The following IPCEF1 variants were observed in gnomAD, a reference collection of about 807,000 sequenced individuals.
The protein encoded by IPCEF1 is interactor protein for cytohesin exchange factors 1.
IPCEF1 carries 31 observed loss-of-function variants against 50.9 expected under a neutral mutation model. The observed-to-expected ratio is 0.61, with a 90% CI of 0.46 to 0.82. The LOEUF is 0.82. Ranked by LOEUF, IPCEF1 falls within the 40% of genes least tolerant of loss-of-function variation. IPCEF1 has a pLI of 0.00. For synonymous variants in IPCEF1, 181 were observed against 192.0 expected, an observed-to-expected ratio of 0.94 and a Z score of 0.47; for missense variants, 458 against 514.0, an observed-to-expected ratio of 0.89 and a Z score of 1.05.
chr6:154,223,798 AAGTC>A (rs1267217699), intron 5 of IPCEF1, among the ~76,000 whole-genome samples: 6 of 152,206 alleles, frequency 3.9e-5, no homozygotes, highest in African/African-American at 1.2e-4. Context: ...TTCCTCTCCC[AAGTC>A]TGTAGGCAGG....
At chr6:154,216,481 T>C (rs570521185) in intron 7 of IPCEF1, among the ~76,000 whole-genome samples, 2 of 152,332 alleles carry the variant, frequency 1.3e-5, no homozygotes, top group South Asian at 4.1e-4. Context: ...GAATAGTATG[T>C]TTAGCCTGAT....
intron 1 of IPCEF1, among the ~76,000 whole-genome samples, chr6:154,336,087 G>C (rs1403310873): frequency 6.6e-6 from 1 of 152,210 alleles, no homozygotes; most frequent in Non-Finnish European, 1.5e-5. Flanking sequence ...AATTAGTATA[G>C]CCACTGTGGA....
chr6:154,292,121 G>C (rs1428056559), intron 1 of IPCEF1, among the ~76,000 whole-genome samples: 1 of 152,136 alleles, frequency 6.6e-6, no homozygotes, highest in Non-Finnish European at 1.5e-5. Flanking sequence ...GGATCACCAA[G>C]GCATGTCTAC....
chr6:154,300,683 G>A (rs977516694), intron 1 of IPCEF1, among the ~76,000 whole-genome samples: 2 of 151,932 alleles, frequency 1.3e-5, no homozygotes, highest in African/African-American at 2.4e-5. Flanking sequence ...AGATTTTTCC[G>A]CCACCCCCCA....
At chr6:154,221,996 A>C (rs1027055228) in intron 6 of IPCEF1, among the ~76,000 whole-genome samples, 2 of 152,250 alleles carry the variant, frequency 1.3e-5, no homozygotes, top group Admixed American at 1.3e-4. Context: ...TAACACTTCA[A>C]AATATTCAGA....
chr6:154,229,299 T>C (rs1779515643), intron 5 of IPCEF1, among the ~76,000 whole-genome samples: 1 of 151,392 alleles, frequency 6.6e-6, no homozygotes, highest in African/African-American at 2.4e-5. Flanking sequence ...CCTCTGACAA[T>C]AAAGTGTTAA....
At chr6:154,172,658 G>T (rs1375095953) in intron 10 of IPCEF1, among the ~76,000 whole-genome samples, 1 of 152,238 alleles carries the variant, frequency 6.6e-6, no homozygotes, top group African/African-American at 2.4e-5. Flanking sequence ...CAGCAGGGAA[G>T]CTCGAACTGG....
intron 5 of IPCEF1, among the ~76,000 whole-genome samples, chr6:154,245,786 G>A (rs1003699541): frequency 2.6e-5 from 4 of 152,154 alleles, no homozygotes; most frequent in African/African-American, 7.2e-5. Context: ...TTTGTGGAGA[G>A]CATTCCTCCT....
intron 2 of IPCEF1, among the ~76,000 whole-genome samples, chr6:154,276,502 C>G (rs77440051): frequency 1.1e-3 from 174 of 152,314 alleles, no homozygotes; most frequent in African/African-American, 4.1e-3. Flanking sequence ...TTTGGCAGAA[C>G]TGTTGCAAAC....
At chr6:154,260,335 G>A (rs1305924594) in intron 3 of IPCEF1, among the ~76,000 whole-genome samples, 1 of 152,126 alleles carries the variant, frequency 6.6e-6, no homozygotes, top group Non-Finnish European at 1.5e-5. Context: ...AAACATTTTA[G>A]GAGCTTTGGG....
At chr6:154,317,655 T>C (rs1049306904) in intron 1 of IPCEF1, among the ~76,000 whole-genome samples, 1 of 149,098 alleles carries the variant, frequency 6.7e-6, no homozygotes, top group African/African-American at 2.5e-5. Context: ...TAGTGAATCA[T>C]TAGGAAAATG....
intron 2 of IPCEF1, among the ~76,000 whole-genome samples, chr6:154,276,587 G>A (rs1782069201): frequency 6.6e-6 from 1 of 152,204 alleles, no homozygotes; most frequent in African/African-American, 2.4e-5. Flanking sequence ...TACAGAGTGG[G>A]TGGACTAACT....
chr6:154,210,491 C>T (rs1356962836), intron 9 of IPCEF1, among the ~76,000 whole-genome samples: 2 of 152,034 alleles, frequency 1.3e-5, no homozygotes, highest in African/African-American at 4.8e-5. Context: ...AAATCAACAA[C>T]AAGGAACATT....
rs3045861 is a variant in IPCEF1, at chr6:154,309,768, G to GTT, written c.-61-20014_-61-20013dup. Among the ~76,000 whole-genome samples the GTT allele has an allele frequency of 5.6e-3, 794 of 140,878 alleles. 11 individuals are homozygous for GTT. Among genetic ancestry groups the GTT allele is most frequent in the African/African-American group, 0.016 (622 of 38,578 alleles). 92.4% of individuals were successfully genotyped at this position (140,878 alleles called of 152,430 possible). ...TTAGTCACTCTGCTTTTCTTTTCTT[G>GTT]TTTTTTTTTTTTTTAGATGGAGTCT... On this transcript the variant is annotated intron_variant, in intron 1 of 11. Coordinates refer to ENST00000367220, the MANE Select transcript of IPCEF1 (RefSeq NM_001130700.2).
intron 10 of IPCEF1, among the ~76,000 whole-genome samples, chr6:154,186,758 G>A (rs1276992891): frequency 6.6e-6 from 1 of 151,874 alleles, no homozygotes; most frequent in Non-Finnish European, 1.5e-5. Context: ...GGGTTTCACC[G>A]TGTTAGCCAG....
At chr6:154,273,692 G>GCTTTTTTCTTTTT (rs141328365) in intron 2 of IPCEF1, among the ~76,000 whole-genome samples, 10,796 of 37,452 alleles carry the variant, frequency 0.29, 1,375 homozygotes, top group East Asian at 0.42. Context: ...ATTATTTTAA[G>GCTTTTTTCTTTTT]CTTTTTTCTT....
At chr6:154,295,969 G>C (rs2128671919) in intron 1 of IPCEF1, among the ~76,000 whole-genome samples, 1 of 152,178 alleles carries the variant, frequency 6.6e-6, no homozygotes, top group Non-Finnish European at 1.5e-5. Context: ...ATCTAATGTA[G>C]CAGGTCATGT....
intron 9 of IPCEF1, among the ~76,000 whole-genome samples, chr6:154,209,388 C>T (rs1436789799): frequency 1.3e-5 from 2 of 152,126 alleles, no homozygotes; most frequent in Non-Finnish European, 2.9e-5. Context: ...CAGTGGCTTA[C>T]GCTTGTAATC....
intron 10 of IPCEF1, among the ~76,000 whole-genome samples, chr6:154,179,903 T>C (rs1008055163): frequency 3.9e-5 from 6 of 152,164 alleles, no homozygotes; most frequent in African/African-American, 1.4e-4. Flanking sequence ...TGAGTTCATC[T>C]GGGATTGTGC....
Sources: gnomAD v4.1 joint callset for allele counts (sites outside exome capture counted in the v4.1 genomes callset) on GRCh38, gnomAD v4.1.1 for gene constraint, MANE v1.5 for transcripts, NCBI Gene and HGNC (gene_info 2026-07-23, HGNC 2026-07-21) for gene names.